Variants in ZNF799 observed in about 807,000 individuals in gnomAD.
ZNF799 encodes zinc finger protein 799.
ZNF799 carries 28 observed loss-of-function variants against 41.0 expected under a neutral mutation model. The ratio of observed to expected loss-of-function variants is 0.68; its 90% confidence interval spans 0.51 to 0.94. The LOEUF (loss-of-function observed/expected upper bound fraction) is 0.94, where lower values mean the gene tolerates loss of function less well. ZNF799 is among the 40% of genes least tolerant of loss of function. ZNF799 has a pLI of 0.00. For missense variants in ZNF799, 716 were observed against 764.3 expected, an observed-to-expected ratio of 0.94 and a Z score of 0.74; for synonymous variants, 213 against 252.9, an observed-to-expected ratio of 0.84 and a Z score of 1.50.
At chr19:12,405,541 C>T (rs1476323808), upstream of ZNF799, among the ~76,000 whole-genome samples, 1 of 152,174 alleles carries the variant, frequency 6.6e-6, no homozygotes, top group Non-Finnish European at 1.5e-5. Flanking sequence ...GAGCCATCCA[C>T]AAAGACTGAA....
rs202183811 is a variant in ZNF799 at position 12,391,248 on chromosome 19, T to C, written c.1150A>G (p.Met384Val). The change falls in exon 4 of 4, where the codon ATG becomes GTG. Residue 384 changes from methionine to valine, a missense_variant. This residue lies in a region of ZNF799 where 698 missense variants were observed against 713.6 expected (regional missense o/e 0.98). Coordinates refer to ENST00000430385, the MANE Select transcript of ZNF799 (RefSeq NM_001080821.3). ...GGTCCATCTCCAGTGTGCATTGTCA[T>C]GTGTCTTCGAAAGCTTGAGCTATGA... ...LSHSSSFRRHMTMHTGDGPHK... is the reference protein window; with the variant it reads ...LSHSSSFRRHVTMHTGDGPHK... 775 of 1,614,066 alleles carry C rather than the reference T, an allele frequency of 4.8e-4. No homozygotes were observed. The highest frequency in any genetic ancestry group is 6.1e-4 in the Non-Finnish European group (725 of 1,180,006).
At chr19:12,408,572 T>C in the ZNF799 span, among the ~76,000 whole-genome samples, 1 of 152,168 alleles carries the variant, frequency 6.6e-6, no homozygotes, top group Non-Finnish European at 1.5e-5. Flanking sequence ...ATATATGCCA[T>C]TTTAGCCCTA....
the ZNF799 span, among the ~76,000 whole-genome samples, chr19:12,412,767 T>C: frequency 1.3e-5 from 2 of 151,542 alleles, no homozygotes; most frequent in South Asian, 4.2e-4. Context: ...GGGCTGGGGG[T>C]GGTGGTTCAC....
the ZNF799 span, among the ~76,000 whole-genome samples, chr19:12,407,684 T>C: frequency 1.3e-5 from 2 of 152,192 alleles, no homozygotes; most frequent in African/African-American, 4.8e-5. Context: ...ATGTATTGGG[T>C]AGTTTAGCTT....
At chr19:12,401,817 G>A (rs773073372), upstream of ZNF799, among the ~76,000 whole-genome samples, 1 of 151,890 alleles carries the variant, frequency 6.6e-6, no homozygotes, top group Non-Finnish European at 1.5e-5. Context: ...CTCGTGATCC[G>A]CCCACCTTGG....
intron 1 of ZNF799, among the ~76,000 whole-genome samples, chr19:12,399,362 C>T (rs536843518): frequency 6.6e-6 from 1 of 151,480 alleles, no homozygotes; most frequent in South Asian, 2.1e-4. Context: ...GTCCAGAAGG[C>T]AAAAATCATT....
chr19:12,408,789 T>C, the ZNF799 span, among the ~76,000 whole-genome samples: 1 of 152,140 alleles, frequency 6.6e-6, no homozygotes, highest in African/African-American at 2.4e-5. Flanking sequence ...ATCCCAGCAC[T>C]ATGGAAGGCC....
chr19:12,393,373 C>G lies in ZNF799; in HGVS notation c.54G>C (p.Trp18Cys). 8.7e-7 allele frequency: 1 copy of G among 1,154,340 alleles called. No homozygotes were observed. The highest frequency in any genetic ancestry group is 1.7e-5 in the African/African-American group (1 of 59,278). 71.5% of individuals were successfully genotyped at this position (1,154,340 alleles called of 1,614,324 possible). The change falls in exon 2 of 4, where the codon TGG (tryptophan) becomes TGC (cysteine). Residue 18 changes from tryptophan to cysteine, a missense_variant. Physicochemically the swap from Trp to Cys is radical, Grantham distance 215. This residue lies in a region of ZNF799 where 18 missense variants were observed against 50.7 expected (regional missense o/e 0.36). Coordinates refer to ENST00000430385, the MANE Select transcript of ZNF799 (RefSeq NM_001080821.3). Reference sequence around the variant, plus strand: ...TCTTCTGACAAGGACCCAGCAAAGCCCACTCTTCTCGGGTGAAGTTCACAG... The same window carrying G: ...TCTTCTGACAAGGACCCAGCAAAGCGCACTCTTCTCGGGTGAAGTTCACAG... ...DVAVNFTREE[W>C]ALLGPCQKNL...
chr19:12,400,779 CTG>C (rs1241429851), intron 1 of ZNF799: 2 of 573,464 alleles, frequency 3.5e-6, no homozygotes, highest in Non-Finnish European at 6.1e-6. Context: ...GGCCGCGAAC[CTG>C]TGTTGCTTAC....
rs750358140 is a variant in ZNF799, at chr19:12,391,556, T to C, written c.842A>G (p.Tyr281Cys). The stretch of plus-strand genomic sequence containing the variant: ...GGCTTTCCCACATTGTTTACATGTA[T>C]AGGGTTTCTTTCCAGTGTGAGTTCT... ...HERTHTGKKP[Y>C]TCKQCGKAFS... is the part of the protein sequence containing the mutation. The change falls in exon 4 of 4, where the codon TAT becomes TGT. Residue 281 changes from tyrosine (Y) to cysteine (C), a missense_variant. Transcript: ENST00000430385. 1.9e-6 allele frequency: 3 copies of C among 1,614,176 alleles called. No individual in the cohort carries two copies. Among genetic ancestry groups the C allele is most frequent in the Middle Eastern group, 1.6e-4 (1 of 6,062 alleles).
chr19:12,401,855 T>G (rs1393233861), upstream of ZNF799, among the ~76,000 whole-genome samples: 2 of 152,176 alleles, frequency 1.3e-5, no homozygotes, highest in African/African-American at 2.4e-5. Flanking sequence ...ATTAGAGACG[T>G]GAGCCATCGC....
chr19:12,401,254 G>T lies in ZNF799; in HGVS notation c.-184C>A, dbSNP rs538551270. 2.1e-6 allele frequency: 3 copies of T among 1,401,552 alleles called. No homozygotes were observed. The highest frequency in any genetic ancestry group is 2.8e-6 in the Non-Finnish European group (3 of 1,061,092). 86.8% of individuals were successfully genotyped at this position (1,401,552 alleles called of 1,614,324 possible). On this transcript the variant is annotated 5_prime_UTR_variant, in exon 1 of 4. Coordinates refer to ENST00000430385, the MANE Select transcript of ZNF799 (RefSeq NM_001080821.3). ...CTTTTTCAACCACACACTCCTCTGGGAAGCGCGCCTGATTGACAGTTCCCA... is the reference window on the plus strand; with the variant it reads ...CTTTTTCAACCACACACTCCTCTGGTAAGCGCGCCTGATTGACAGTTCCCA...
upstream of ZNF799, chr19:12,401,393 GAC>G (rs926937747): frequency 3.2e-6 from 2 of 626,860 alleles, no homozygotes; most frequent in Non-Finnish European, 5.1e-6. Flanking sequence ...GCAAGTTCCT[GAC>G]ACAGCCCTTG....
At chr19:12,400,749 C>A (rs1303112563) in intron 1 of ZNF799, 3 of 548,762 alleles carry the variant, frequency 5.5e-6, no homozygotes, top group Non-Finnish European at 9.6e-6. Context: ...CAGCCCTCAG[C>A]GTCTCGGTGC....
upstream of ZNF799, among the ~76,000 whole-genome samples, chr19:12,401,499 C>A (rs1304834114): frequency 6.6e-6 from 1 of 150,876 alleles, no homozygotes; most frequent in Non-Finnish European, 1.5e-5. Flanking sequence ...AATAGGACCT[C>A]CTGCTTCTTC....
At chr19:12,406,908 T>A in the ZNF799 span, among the ~76,000 whole-genome samples, 1 of 150,252 alleles carries the variant, frequency 6.7e-6, no homozygotes, top group Non-Finnish European at 1.5e-5. Context: ...TCAAAAAAAA[T>A]AAAATTAAAT....
At chr19:12,398,687 C>T (rs901973833) in intron 1 of ZNF799, among the ~76,000 whole-genome samples, 11 of 152,140 alleles carry the variant, frequency 7.2e-5, no homozygotes, top group Non-Finnish European at 1.5e-4. Flanking sequence ...AAATCTCCAC[C>T]CTTTTAAAAA....
At chr19:12,393,758 C>A in intron 1 of ZNF799, 5 of 1,117,004 alleles carry the variant, frequency 4.5e-6, no homozygotes, top group Non-Finnish European at 5.6e-6. Context: ...ACTTATTGTG[C>A]AAAAGGGAGT....
chr19:12,401,188 AC>A lies in ZNF799; in HGVS notation c.-119del, dbSNP rs1365807851. The A allele has an allele frequency of 2.0e-5, 31 of 1,584,346 alleles. No homozygotes were observed. Among genetic ancestry groups the A allele is most frequent in the Non-Finnish European group, 2.6e-5 (30 of 1,166,890 alleles). ...TCGTCTCTTAGCTACAGAGCCGAGCACCGAGCGCCCAGCGCAGGTGGGTGGA... is the reference window on the plus strand; with the variant it reads ...TCGTCTCTTAGCTACAGAGCCGAGCACGAGCGCCCAGCGCAGGTGGGTGGA... On this transcript the variant is annotated 5_prime_UTR_variant, in exon 1 of 4. Transcript: ENST00000430385.
Sources: gnomAD v4.1 joint callset for allele counts (sites outside exome capture counted in the v4.1 genomes callset) on GRCh38, gnomAD v4.1.1 for gene constraint, gnomAD v4.1.1 regional missense constraint, MANE v1.5 for transcripts, NCBI Gene and HGNC (gene_info 2026-07-23, HGNC 2026-07-21) for gene names.